The following TTC39C variants were observed in gnomAD, a reference collection of about 807,000 sequenced individuals.
TTC39C encodes tetratricopeptide repeat domain 39C.
In TTC39C, 33 loss-of-function variants were observed where a neutral mutation model predicts 76.3. That is an observed-to-expected ratio of 0.43 (90% confidence interval 0.33 to 0.58). The LOEUF (loss-of-function observed/expected upper bound fraction) is 0.58. TTC39C is among the 20% of genes least tolerant of loss of function. The pLI, the probability that TTC39C is intolerant of heterozygous loss-of-function variation, is 0.04. For synonymous variants in TTC39C, 254 were observed against 260.6 expected, an observed-to-expected ratio of 0.97 and a Z score of 0.24; for missense variants, 595 against 701.4, an observed-to-expected ratio of 0.85 and a Z score of 1.71.
At chr18:24,090,797 C>CTTTTT in intron 6 of TTC39C, among the ~76,000 whole-genome samples, 1 of 79,526 alleles carries the variant, frequency 1.3e-5, no homozygotes, top group Non-Finnish European at 2.4e-5. Context: ...GATTAATTTA[C>CTTTTT]TTTTTTTTTT....
intron 6 of TTC39C, among the ~76,000 whole-genome samples, chr18:24,112,345 C>T (rs1225695367): frequency 6.6e-6 from 1 of 152,214 alleles, no homozygotes; most frequent in African/African-American, 2.4e-5. Context: ...GAAGAAAGCA[C>T]ACTTTTTAGA....
intron 8 of TTC39C, chr18:24,123,583 T>C (rs1484237940): frequency 3.2e-6 from 1 of 309,528 alleles, no homozygotes; most frequent in African/African-American, 2.2e-5. Context: ...ATTTTTGTGT[T>C]TTTAGCAGAG....
upstream of TTC39C, among the ~76,000 whole-genome samples, chr18:24,012,066 T>G (rs1257613089): frequency 6.6e-6 from 1 of 152,210 alleles, no homozygotes; most frequent in Non-Finnish European, 1.5e-5. Context: ...AAACACAGCC[T>G]TAACTCTCCC....
In TTC39C at chr18:24,080,921, T is replaced by C; in HGVS notation, c.797T>C (p.Met266Thr). 2 of 1,613,168 alleles carry C rather than the reference T, an allele frequency of 1.2e-6. No homozygotes were observed. The highest frequency in any genetic ancestry group is 1.1e-5 in the South Asian group (1 of 90,942). ...SLMYASESKD[M>T]KAPLATLALL... is the part of the protein sequence containing the mutation. ...ATGTATGCAAGCGAAAGTAAGGACA[T>C]GAAGGCCCCTTTAGCTACGTGAGTA... Residue 266 changes from methionine to threonine, a missense_variant, in exon 5 of 14, where the codon ATG becomes ACG. Physicochemically the swap from Met to Thr is moderately conservative, Grantham distance 81. Coordinates refer to ENST00000317571, the MANE Select transcript of TTC39C (RefSeq NM_001135993.2).
At chr18:24,075,066 C>G (rs1013317914) in intron 4 of TTC39C, among the ~76,000 whole-genome samples, 1 of 151,884 alleles carries the variant, frequency 6.6e-6, no homozygotes, top group Non-Finnish European at 1.5e-5. Context: ...AAACTAAACA[C>G]GCATGTTCTC....
intron 1 of TTC39C, chr18:24,019,984 G>A (rs2083500216): frequency 6.9e-7 from 1 of 1,459,800 alleles, no homozygotes; most frequent in Admixed American, 3.1e-5. Flanking sequence ...TCAGATTCTT[G>A]GGAGGACTGG....
chr18:24,111,923 A>AT (rs1225602603), intron 6 of TTC39C, among the ~76,000 whole-genome samples: 10,599 of 150,288 alleles, frequency 0.071, 769 homozygotes, highest in African/African-American at 0.18. Flanking sequence ...ATATATATAT[A>AT]TTTTTTTTGG....
upstream of TTC39C, chr18:24,014,686 C>A: frequency 1.0e-6 from 1 of 957,176 alleles, no homozygotes; most frequent in Non-Finnish European, 1.3e-6. Flanking sequence ...CGCCGCGCCG[C>A]AGCCGGGCCG....
At chr18:24,098,430 T>TC (rs1308813094) in intron 6 of TTC39C, among the ~76,000 whole-genome samples, 1 of 112,706 alleles carries the variant, frequency 8.9e-6, no homozygotes, top group East Asian at 3.0e-4. Context: ...CCTTCCTTCC[T>TC]CCTTTCCTTT....
At chr18:24,111,921 A>G (rs76643701) in intron 6 of TTC39C, among the ~76,000 whole-genome samples, 1 of 40,756 alleles carries the variant, frequency 2.5e-5, no homozygotes, top group African/African-American at 7.5e-5. Flanking sequence ...ATATATATAT[A>G]TATTTTTTTT....
At chr18:24,112,866 TC>T (rs2084833344) in intron 6 of TTC39C, among the ~76,000 whole-genome samples, 1 of 152,140 alleles carries the variant, frequency 6.6e-6, no homozygotes, top group Non-Finnish European at 1.5e-5. Flanking sequence ...GAACTGTTGA[TC>T]CCAAAAGGGA....
intron 6 of TTC39C, among the ~76,000 whole-genome samples, chr18:24,099,562 A>C (rs1411543957): frequency 6.6e-6 from 1 of 151,988 alleles, no homozygotes; most frequent in South Asian, 2.1e-4. Flanking sequence ...GTATGTATTT[A>C]AATGTGAATA....
rs998401887 is a variant in TTC39C at position 24,134,799 on chromosome 18, G to A, written c.*2225G>A. On this transcript the variant is annotated 3_prime_UTR_variant, in exon 14 of 14. Coordinates refer to ENST00000317571, the MANE Select transcript of TTC39C (RefSeq NM_001135993.2). ...ATTCCACATTCAAAGATTATATAAGGTCCTGTGCTTTTGAATCTTTTTCAA... is the reference window on the plus strand; with the variant it reads ...ATTCCACATTCAAAGATTATATAAGATCCTGTGCTTTTGAATCTTTTTCAA... The A allele has an allele frequency of 6.6e-6, 1 of 151,826 alleles. No individual in the cohort carries two copies. The highest frequency in any genetic ancestry group is 1.5e-5 in the Non-Finnish European group (1 of 67,986). 9.4% of individuals were successfully genotyped at this position (151,826 alleles called of 1,614,324 possible).
intron 4 of TTC39C, among the ~76,000 whole-genome samples, chr18:24,079,880 C>A (rs1375808738): frequency 1.3e-5 from 2 of 150,746 alleles, no homozygotes; most frequent in African/African-American, 2.4e-5. Context: ...TGGCTCACTG[C>A]AGCCTTGACC....
At chr18:24,065,092 T>C (rs2084149884) in intron 2 of TTC39C, among the ~76,000 whole-genome samples, 1 of 151,894 alleles carries the variant, frequency 6.6e-6, no homozygotes, top group Non-Finnish European at 1.5e-5. Flanking sequence ...AGTCTGGTGG[T>C]GGAGGAGGAG....
chr18:24,081,311 A>G (rs1402112822), intron 5 of TTC39C, among the ~76,000 whole-genome samples: 7 of 152,220 alleles, frequency 4.6e-5, no homozygotes, highest in Admixed American at 4.6e-4. Context: ...TTATTCTTAT[A>G]AAGAATTCTC....
chr18:23,995,015 G>C (rs556827496), intron 1 of TTC39C, among the ~76,000 whole-genome samples: 1 of 152,104 alleles, frequency 6.6e-6, no homozygotes, highest in South Asian at 2.1e-4. Context: ...ACTTTATCAC[G>C]TGTGTAGGTT....
chr18:24,107,435 C>T (rs1288156194), intron 6 of TTC39C, among the ~76,000 whole-genome samples: 3 of 152,124 alleles, frequency 2.0e-5, no homozygotes, highest in Non-Finnish European at 4.4e-5. Context: ...AATTTTGGTT[C>T]CCATAGTCCC....
At chr18:24,048,613 T>C (rs1026644962) in intron 1 of TTC39C, among the ~76,000 whole-genome samples, 1 of 152,256 alleles carries the variant, frequency 6.6e-6, no homozygotes, top group Non-Finnish European at 1.5e-5. Flanking sequence ...ACTTTTTTTT[T>C]CCTATCTCTA....
Sources: allele counts gnomAD v4.1 joint callset (sites outside exome capture counted in the v4.1 genomes callset), GRCh38; gene constraint gnomAD v4.1.1; transcripts MANE v1.5; gene names NCBI Gene and HGNC (gene_info 2026-07-23, HGNC 2026-07-21).